Variants in IFT80 observed in about 807,000 individuals in gnomAD.
IFT80 encodes intraflagellar transport 80.
IFT80 carries 79 observed loss-of-function variants against 107.9 expected under a neutral mutation model. That is an observed-to-expected ratio of 0.73 (90% CI 0.61 to 0.88). IFT80 has a LOEUF of 0.88. Among genes scored for constraint, IFT80 ranks in the 40% least tolerant of loss-of-function variants. IFT80 has a pLI of 0.00. For missense variants in IFT80, 797 were observed against 914.2 expected (o/e 0.87, Z 1.65); for synonymous variants, 299 against 300.9 (o/e 0.99, Z 0.07).
chr3:160,375,185 C>T (rs1711904413), intron 5 of IFT80, among the ~76,000 whole-genome samples: 1 of 152,006 alleles, frequency 6.6e-6, no homozygotes, highest in Admixed American at 6.6e-5. Context: ...CTTACTGTTC[C>T]TATGTAAAAT....
chr3:160,383,384 C>A, intron 2 of IFT80: 1 of 799,220 alleles, frequency 1.3e-6, no homozygotes, highest in Non-Finnish European at 1.5e-6. Context: ...ATAATTACAT[C>A]TTCACTTAAT....
chr3:160,378,537 T>A (rs1046192616), intron 3 of IFT80, among the ~76,000 whole-genome samples: 2 of 151,746 alleles, frequency 1.3e-5, no homozygotes, highest in African/African-American at 4.8e-5. Context: ...CAGGTCTCTG[T>A]GGAAAATGGC....
At chr3:160,347,129 C>G (rs1720346666) in intron 8 of IFT80, among the ~76,000 whole-genome samples, 1 of 152,082 alleles carries the variant, frequency 6.6e-6, no homozygotes, top group Admixed American at 6.6e-5. Context: ...GTACCCTGCC[C>G]CACCCCCACT....
intron 8 of IFT80, among the ~76,000 whole-genome samples, chr3:160,327,919 A>C (rs766468896): frequency 5.9e-5 from 9 of 152,242 alleles, no homozygotes; most frequent in Non-Finnish European, 1.2e-4. Flanking sequence ...GAATGGGAGA[A>C]AATTTTTGCA....
intron 4 of IFT80, 119 bp downstream of exon 4, chr3:160,377,311 A>G (rs1440872045): frequency 7.4e-6 from 5 of 679,742 alleles, no homozygotes; most frequent in Non-Finnish European, 1.1e-5. Context: ...GAACAATACT[A>G]TGCCAATTAT....
At position 160,301,051 on chromosome 3, in the gene IFT80, A is replaced by G; in HGVS notation, c.1152-5T>C. 3 of 1,564,580 alleles carry G rather than the reference A, an allele frequency of 1.9e-6. No individual in the cohort carries two copies. Among genetic ancestry groups the G allele is most frequent in the Non-Finnish European group, 2.6e-6 (3 of 1,140,762 alleles). On this transcript the variant is annotated splice_polypyrimidine_tract_variant and splice_region_variant and intron_variant, in intron 11 of 19. Coordinates refer to ENST00000326448, the MANE Select transcript of IFT80 (RefSeq NM_020800.3). ...CCATCTACAAGAAGAAAATGTCTAA[A>G]AAATAAAGAATAGAAATAGATTCTC...
At chr3:160,263,277 C>T (rs1266028644) in intron 19 of IFT80, among the ~76,000 whole-genome samples, 4 of 152,152 alleles carry the variant, frequency 2.6e-5, no homozygotes, top group East Asian at 3.9e-4. Context: ...TTAAATTAAT[C>T]GTACCCTTTC....
intron 5 of IFT80, among the ~76,000 whole-genome samples, chr3:160,374,909 A>C (rs1277558071): frequency 6.6e-6 from 1 of 152,188 alleles, no homozygotes; most frequent in Non-Finnish European, 1.5e-5. Context: ...TGTAGCAAAC[A>C]TTTAAGCTTA....
intron 8 of IFT80, among the ~76,000 whole-genome samples, chr3:160,348,799 T>A (rs1248117627): frequency 6.6e-6 from 1 of 152,210 alleles, no homozygotes; most frequent in African/African-American, 2.4e-5. Context: ...CTTGAAAACA[T>A]GCTAACTGAA....
intron 12 of IFT80, among the ~76,000 whole-genome samples, chr3:160,296,731 C>A (rs1425811093): frequency 6.6e-6 from 1 of 152,126 alleles, no homozygotes; most frequent in Non-Finnish European, 1.5e-5. Flanking sequence ...TTGCCTGGGT[C>A]ACCAATGACC....
intron 6 of IFT80, among the ~76,000 whole-genome samples, chr3:160,361,507 A>C (rs946385208): frequency 6.6e-6 from 1 of 152,202 alleles, no homozygotes; most frequent in Non-Finnish European, 1.5e-5. Context: ...ACTTGAACTC[A>C]GCTCTGCACC....
At chr3:160,341,122 C>G (rs2108334088) in intron 8 of IFT80, among the ~76,000 whole-genome samples, 1 of 151,984 alleles carries the variant, frequency 6.6e-6, no homozygotes, top group African/African-American at 2.4e-5. Flanking sequence ...CCTGCCACTT[C>G]AGCCTCTTGA....
intron 3 of IFT80, among the ~76,000 whole-genome samples, chr3:160,378,892 T>C (rs1050812015): frequency 2.0e-5 from 3 of 152,118 alleles, no homozygotes; most frequent in African/African-American, 7.2e-5. Flanking sequence ...AATCACCATT[T>C]GGCAAACTAT....
intron 5 of IFT80, among the ~76,000 whole-genome samples, chr3:160,369,513 T>G (rs1722090080): frequency 6.6e-6 from 1 of 151,930 alleles, no homozygotes; most frequent in African/African-American, 2.4e-5. Context: ...AACTTTCAAT[T>G]TGGGTGGTTC....
intron 8 of IFT80, among the ~76,000 whole-genome samples, chr3:160,322,039 T>TTTA (rs1271210054): frequency 7.0e-6 from 1 of 142,920 alleles, no homozygotes; most frequent in African/African-American, 2.7e-5. Flanking sequence ...TATTTATTTA[T>TTTA]TTATTATTAT....
intron 19 of IFT80, among the ~76,000 whole-genome samples, chr3:160,266,527 GCATGAGCCAC>G (rs1197884699): frequency 3.2e-4 from 49 of 152,082 alleles, no homozygotes; most frequent in African/African-American, 1.1e-3. Flanking sequence ...GGGACTACAA[GCATGAGCCAC>G]CATGTCCAGC....
rs947111528 is a variant in IFT80 at position 160,275,180 on chromosome 3, A to T, written c.2099+2126T>A. On this transcript the variant is annotated intron_variant, in intron 18 of 19. Transcript: ENST00000326448. ...AATTCCTAGCACATCATAACCACTGAATAAGTGGAGGCCAGTGTTTAGAAG... is the reference window on the plus strand; with the variant it reads ...AATTCCTAGCACATCATAACCACTGTATAAGTGGAGGCCAGTGTTTAGAAG... 2.0e-5 allele frequency among the ~76,000 whole-genome samples: 3 copies of T among 152,210 alleles called. No homozygotes were observed. In the East Asian group the frequency reaches 5.8e-4, roughly 29 times the overall value.
intron 5 of IFT80, among the ~76,000 whole-genome samples, chr3:160,367,541 C>G: frequency 6.6e-6 from 1 of 151,950 alleles, no homozygotes; most frequent in East Asian, 1.9e-4. Context: ...TTTTTTATAT[C>G]AGATTAGGGA....
rs908388635 is a variant in IFT80 at position 160,257,563 on chromosome 3, T to A, written c.*962A>T. 6.6e-6 allele frequency: 1 copy of A among 152,192 alleles called. No homozygotes were observed. Among genetic ancestry groups the A allele is most frequent in the Admixed American group, 6.5e-5 (1 of 15,274 alleles). 9.4% of individuals were successfully genotyped at this position (152,192 alleles called of 1,614,324 possible). A position where few individuals can be genotyped will look rare whatever the true frequency, so the allele number is the denominator to read the frequency against. ...TCAAGAGAGGAATGAGGAGAATCCT[T>A]CTTGCCCATTCTAGATATATTTTTT... is the stretch of plus-strand genomic sequence containing the variant. On this transcript the variant is annotated 3_prime_UTR_variant, in exon 20 of 20. Transcript: ENST00000326448.
Sources: gnomAD v4.1 joint callset for allele counts (sites outside exome capture counted in the v4.1 genomes callset) on GRCh38, gnomAD v4.1.1 for gene constraint, MANE v1.5 for transcripts, NCBI Gene and HGNC (gene_info 2026-07-23, HGNC 2026-07-21) for gene names.